SOCS5: variants seen among roughly 807,000 people sequenced by gnomAD.
The protein encoded by SOCS5 is CIS-6.
SOCS5 carries 32 observed loss-of-function variants against 42.8 expected under a neutral mutation model. That is an observed-to-expected ratio of 0.75 (90% CI 0.56 to 1.01). The LOEUF (loss-of-function observed/expected upper bound fraction) is 1.01, where lower values mean the gene tolerates loss of function less well. Among genes scored for constraint, SOCS5 ranks in the 50% least tolerant of loss-of-function variants. The pLI, the probability that SOCS5 is intolerant of heterozygous loss-of-function variation, is 0.00. For missense variants in SOCS5, 627 were observed against 653.0 expected (o/e 0.96, Z 0.43); for synonymous variants, 283 against 229.6 (o/e 1.23, Z -2.10).
At position 46,759,016 on chromosome 2, in the gene SOCS5, C is replaced by T; in HGVS notation, c.486C>T (p.His162=). 1.2e-6 allele frequency: 2 copies of T among 1,613,936 alleles called. No homozygotes were observed. The highest frequency in any genetic ancestry group is 1.7e-6 in the Non-Finnish European group (2 of 1,179,830). The change falls in exon 2 of 2, where the codon CAC becomes CAT. Residue 162 remains histidine (H), a synonymous_variant. Coordinates refer to ENST00000394861, the MANE Select transcript of SOCS5 (RefSeq NM_144949.3). ...GGCGCTACGGCGTAAGTTCTGTACA[C>T]GACATGGACAGTGTTTCCAGCAGAA... ...RERRYGVSSV[H]DMDSVSSRTV...
At chr2:46,751,216 TA>T in intron 1 of SOCS5, among the ~76,000 whole-genome samples, 1 of 152,272 alleles carries the variant, frequency 6.6e-6, no homozygotes, top group East Asian at 1.9e-4. Flanking sequence ...CCCAATAATG[TA>T]AATTGTCATC....
rs757554555 is a variant in SOCS5 at position 46,760,134 on chromosome 2, C to G, written c.1604C>G (p.Ala535Gly). Residue 535 changes from alanine (A) to glycine (G), a missense_variant, in exon 2 of 2, where the codon GCA becomes GGA. Ala to Gly is a moderately conservative substitution (Grantham distance 60). Around this residue, in one of 3 missense-constraint regions of SOCS5, gnomAD observed 340 missense variants for 367.6 expected, o/e 0.92. Transcript: ENST00000394861. ...VRWLEREPVK[A>G]K ...TGGTTGGAACGAGAACCAGTCAAGG[C>G]AAAGTAAACTCTCCGGTCCCCAAAG... The G allele has an allele frequency of 6.2e-7, 1 of 1,610,870 alleles. No homozygotes were observed. Among genetic ancestry groups the G allele is most frequent in the Non-Finnish European group, 8.5e-7 (1 of 1,178,192 alleles).
At chr2:46,725,619 T>C (rs9807932) in intron 1 of SOCS5, among the ~76,000 whole-genome samples, 7,673 of 152,236 alleles carry the variant, frequency 0.05, 692 homozygotes, top group African/African-American at 0.18. Flanking sequence ...TAAAACCCCA[T>C]CAGACAATTA....
Position 46,716,367 on chromosome 2 carries a change from A to AT in SOCS5, c.-13+16947dup, listed in dbSNP as rs35187667. ...GGATTTCATGATGTTGAGTGTCTTC[A>AT]TTTTTTTTTTTTTTTTTTTTTTTTT... On this transcript the variant is annotated intron_variant, in intron 1 of 1. Transcript: ENST00000394861. 2.3e-3 allele frequency among the ~76,000 whole-genome samples: 40 copies of AT among 17,042 alleles called. 2 individuals carry two copies. The highest frequency in any genetic ancestry group is 3.0e-3 in the African/African-American group (17 of 5,688). 11.2% of individuals were successfully genotyped at this position (17,042 alleles called of 152,430 possible).
chr2:46,736,656 CT>C (rs566718522), intron 1 of SOCS5, among the ~76,000 whole-genome samples: 81 of 152,252 alleles, frequency 5.3e-4, no homozygotes, highest in African/African-American at 1.9e-3. Context: ...TTAGAATATC[CT>C]TCCTATTTAA....
chr2:46,702,690 G>A (rs1455894480), intron 1 of SOCS5, among the ~76,000 whole-genome samples: 1 of 152,130 alleles, frequency 6.6e-6, no homozygotes, highest in Non-Finnish European at 1.5e-5. Flanking sequence ...TGAGATTTTA[G>A]TGATAAAATG....
At chr2:46,700,051 C>A (rs565885551) in intron 1 of SOCS5, among the ~76,000 whole-genome samples, 8 of 152,222 alleles carry the variant, frequency 5.3e-5, no homozygotes, top group Admixed American at 5.2e-4. Flanking sequence ...GCTGGAAGAC[C>A]CCTCTGCAAC....
chr2:46,758,232 C>G (rs777160147), intron 1 of SOCS5, among the ~76,000 whole-genome samples: 4 of 152,132 alleles, frequency 2.6e-5, no homozygotes, highest in Non-Finnish European at 5.9e-5. Context: ...AAAAAGAAAC[C>G]AGAGTTTAAG....
In SOCS5 at chr2:46,758,504, C is replaced by T. The variant is rs1353750063; in HGVS notation, c.-12-15C>T. 2 of 1,525,704 alleles carry T rather than the reference C, an allele frequency of 1.3e-6. No individual in the cohort carries two copies. The highest frequency in any genetic ancestry group is 2.0e-5 in the Admixed American group (1 of 50,080). 94.5% of individuals were successfully genotyped at this position (1,525,704 alleles called of 1,614,324 possible). On this transcript the variant is annotated splice_polypyrimidine_tract_variant and intron_variant, in intron 1 of 1. Coordinates refer to ENST00000394861, the MANE Select transcript of SOCS5 (RefSeq NM_144949.3). ...TGATTAATTTATTTTTCTCTTTTTG[C>T]TGTTTTGTCTTTAGATTTTATAATC...
intron 1 of SOCS5, among the ~76,000 whole-genome samples, chr2:46,721,182 A>C (rs569009372): frequency 1.3e-5 from 2 of 152,228 alleles, no homozygotes; most frequent in East Asian, 3.9e-4. Context: ...TCCATGGAAG[A>C]GATTTATATG....
intron 1 of SOCS5, among the ~76,000 whole-genome samples, chr2:46,748,437 T>C (rs1673557063): frequency 6.6e-6 from 1 of 152,166 alleles, no homozygotes; most frequent in South Asian, 2.1e-4. Flanking sequence ...TCCTCCTGCC[T>C]CAGCCTCCAA....
chr2:46,751,690 G>T (rs11893517), intron 1 of SOCS5, among the ~76,000 whole-genome samples: 9,271 of 152,024 alleles, frequency 0.061, 311 homozygotes, highest in Middle Eastern at 0.13. Context: ...TTTACTTAAT[G>T]CACTTAAGAT....
At chr2:46,724,044 T>C (rs945095919) in intron 1 of SOCS5, among the ~76,000 whole-genome samples, 3 of 152,064 alleles carry the variant, frequency 2.0e-5, no homozygotes, top group Non-Finnish European at 2.9e-5. Flanking sequence ...AAATTTTTAG[T>C]TTCTGACTGT....
rs1672305890 is a variant in SOCS5, at chr2:46,699,996, G to A, written c.-13+547G>A. Among the ~76,000 whole-genome samples, 1 of 152,136 alleles carries A rather than the reference G, an allele frequency of 6.6e-6. No individual in the cohort carries two copies. The highest frequency in any genetic ancestry group is 2.1e-4 in the South Asian group (1 of 4,820). ...ATGTGGGAAATGAATTGAGTGCCCC[G>A]GGAGGTTTAACTAACCAAGGTGGGT... On this transcript the variant is annotated intron_variant, in intron 1 of 1. Coordinates refer to ENST00000394861, the MANE Select transcript of SOCS5 (RefSeq NM_144949.3). The surrounding 1 kb of genome is among the most constrained non-coding windows in gnomAD (Gnocchi z 4.8).
intron 1 of SOCS5, among the ~76,000 whole-genome samples, chr2:46,746,922 CTTTTT>C (rs11373537): frequency 5.7e-5 from 4 of 70,792 alleles, no homozygotes; most frequent in Admixed American, 2.0e-4. Context: ...GACTTTATTT[CTTTTT>C]TTTTTTTTTT....
Position 46,759,596 on chromosome 2 carries a change from G to A in SOCS5, c.1066G>A (p.Ala356Thr). 1 of 1,613,974 alleles carries A rather than the reference G, an allele frequency of 6.2e-7. No individual in the cohort carries two copies. Residue 356 changes from alanine to threonine, a missense_variant, in exon 2 of 2, where the codon GCT becomes ACT. By Grantham distance (58) the Ala-to-Thr change is moderately conservative. Around this residue, in one of 3 missense-constraint regions of SOCS5, gnomAD observed 340 missense variants for 367.6 expected, o/e 0.92. Transcript: ENST00000394861. ...CCATACCCATGTTAGCAGACAGGGAGCTTGGAAAGTCCACACACAGATTGA... is the reference window on the plus strand; with the variant it reads ...CCATACCCATGTTAGCAGACAGGGAACTTGGAAAGTCCACACACAGATTGA... ...DSHTHVSRQGAWKVHTQIDYI... is the reference protein window; with the variant it reads ...DSHTHVSRQGTWKVHTQIDYI...
At chr2:46,728,164 C>CTA (rs1195587799) in intron 1 of SOCS5, among the ~76,000 whole-genome samples, 1 of 152,074 alleles carries the variant, frequency 6.6e-6, no homozygotes, top group East Asian at 1.9e-4. Context: ...TGGCAGGATA[C>CTA]AAGAGGAGAA....
chr2:46,712,316 T>TTC (rs1553334920), intron 1 of SOCS5, among the ~76,000 whole-genome samples: 1 of 146,846 alleles, frequency 6.8e-6, no homozygotes, highest in African/African-American at 2.5e-5. Context: ...CTTTTTTTTT[T>TTC]CCCACAAGTG....
chr2:46,742,648 C>T (rs975289724), intron 1 of SOCS5, among the ~76,000 whole-genome samples: 3 of 151,956 alleles, frequency 2.0e-5, no homozygotes, highest in Non-Finnish European at 4.4e-5. Context: ...TTTGAGAAGT[C>T]ATAAGTTTTT....
Sources: gnomAD v4.1 joint callset for allele counts (sites outside exome capture counted in the v4.1 genomes callset) on GRCh38, gnomAD v4.1.1 for gene constraint, gnomAD v4.1.1 regional missense constraint, Gnocchi (gnomAD v3.1) non-coding constraint, MANE v1.5 for transcripts, NCBI Gene and HGNC (gene_info 2026-07-23, HGNC 2026-07-21) for gene names.